CLEC16A: variants seen among roughly 807,000 people sequenced by gnomAD.
The protein encoded by CLEC16A is C-type lectin domain containing 16A.
Under a neutral mutation model 109.5 loss-of-function variants are expected in CLEC16A, and 51 were observed. That is an observed-to-expected ratio of 0.47 (90% CI 0.37 to 0.59). CLEC16A has a LOEUF of 0.59. CLEC16A is among the 20% of genes least tolerant of loss of function. CLEC16A has a pLI of 0.00. For synonymous variants in CLEC16A, 673 were observed against 564.2 expected (o/e 1.19, Z -2.73); for missense variants, 1,339 against 1,394.0 (o/e 0.96, Z 0.63).
intron 22 of CLEC16A, among the ~76,000 whole-genome samples, chr16:11,150,784 C>T (rs1567394605): frequency 6.6e-6 from 1 of 152,150 alleles, no homozygotes; most frequent in Non-Finnish European, 1.5e-5. Context: ...AAGGTATTGG[C>T]AGGGCTGGTT....
At chr16:11,043,079 TACACAC>T (rs34014519) in intron 15 of CLEC16A, among the ~76,000 whole-genome samples, 3 of 150,712 alleles carry the variant, frequency 2.0e-5, no homozygotes, top group Non-Finnish European at 4.4e-5. Flanking sequence ...TGTATATATA[TACACAC>T]ACACACACAC....
At chr16:11,100,571 G>A (rs760813566) in intron 19 of CLEC16A, among the ~76,000 whole-genome samples, 15 of 152,096 alleles carry the variant, frequency 9.9e-5, no homozygotes, top group Non-Finnish European at 1.5e-4. Context: ...GACTCACTTG[G>A]GCATTTCCTG....
At chr16:10,948,941 C>T (rs540135560) in intron 1 of CLEC16A, among the ~76,000 whole-genome samples, 2 of 152,180 alleles carry the variant, frequency 1.3e-5, no homozygotes, top group Non-Finnish European at 2.9e-5. Context: ...TTGAGTATCC[C>T]TGGACCAGCA....
intron 19 of CLEC16A, among the ~76,000 whole-genome samples, chr16:11,112,794 G>A (rs377302967): frequency 4.6e-5 from 7 of 152,216 alleles, no homozygotes; most frequent in South Asian, 4.1e-4. Context: ...ACAAGGTTCC[G>A]CTAGGAGGCA....
intron 19 of CLEC16A, among the ~76,000 whole-genome samples, chr16:11,107,737 G>A (rs1220768386): frequency 2.0e-5 from 3 of 152,246 alleles, no homozygotes; most frequent in Non-Finnish European, 2.9e-5. Context: ...ACTGGAATCA[G>A]CACTGGCTTC....
chr16:11,124,674 GTCTT>G (rs140040705), intron 21 of CLEC16A, among the ~76,000 whole-genome samples: 1 of 152,336 alleles, frequency 6.6e-6, no homozygotes, highest in African/African-American at 2.4e-5. Context: ...TAAAATGACA[GTCTT>G]TCTCAAGATA....
At chr16:10,971,450 T>C (rs16957849) in intron 5 of CLEC16A, 133,801 of 628,106 alleles carry the variant, frequency 0.21, 14,954 homozygotes, top group South Asian at 0.3. Flanking sequence ...TTGCTCATGC[T>C]GCTACATAGA....
chr16:10,953,638 C>G (rs1400069775), intron 1 of CLEC16A, among the ~76,000 whole-genome samples: 1 of 152,064 alleles, frequency 6.6e-6, no homozygotes, highest in Non-Finnish European at 1.5e-5. Flanking sequence ...GGTTTGTGGT[C>G]AGAGTATATA....
chr16:11,103,579 C>G (rs541490734), intron 19 of CLEC16A, among the ~76,000 whole-genome samples: 1 of 152,188 alleles, frequency 6.6e-6, no homozygotes, highest in Non-Finnish European at 1.5e-5. Flanking sequence ...AACTCCGTCT[C>G]AAAAAAATAA....
At chr16:11,027,683 T>C in intron 13 of CLEC16A, 3 of 1,574,612 alleles carry the variant, frequency 1.9e-6, no homozygotes, top group Non-Finnish European at 2.6e-6. Context: ...CTACCAAAAA[T>C]AGAGTGGGCT....
chr16:11,133,777 A>T (rs555974988), intron 22 of CLEC16A, among the ~76,000 whole-genome samples: 1 of 145,136 alleles, frequency 6.9e-6, no homozygotes, highest in African/African-American at 2.6e-5. Context: ...GTAGCTCCCC[A>T]AGGCAAAAAA....
Position 11,182,114 on chromosome 16 carries a change from C to G in CLEC16A, c.*3424C>G, listed in dbSNP as rs200303045. ...ACTCATGCTTCGTGGGTACTGAACA[C>G]GAGGGTGGAAATGAAAACTGGAACT... is the stretch of plus-strand genomic sequence containing the variant. On this transcript the variant is annotated 3_prime_UTR_variant, in exon 24 of 24. Transcript: ENST00000409790. The G allele has an allele frequency of 6.6e-6, 1 of 152,220 alleles. No homozygotes were observed. The highest frequency in any genetic ancestry group is 2.4e-5 in the African/African-American group (1 of 41,420). The allele number at this position is 152,220 out of a possible 1,614,324, so 9.4% of individuals were successfully genotyped here.
At chr16:11,062,787 G>T (rs1202489034) in intron 19 of CLEC16A, among the ~76,000 whole-genome samples, 1 of 151,998 alleles carries the variant, frequency 6.6e-6, no homozygotes, top group Non-Finnish European at 1.5e-5. Flanking sequence ...CTTGAGAAAT[G>T]GCCACAGGAA....
chr16:11,087,585 C>G (rs944529833), intron 19 of CLEC16A, among the ~76,000 whole-genome samples: 1 of 152,180 alleles, frequency 6.6e-6, no homozygotes, highest in African/African-American at 2.4e-5. Flanking sequence ...AAGTAGTATT[C>G]AAGTAAAAGT....
At chr16:11,130,051 C>T (rs2053099670) in intron 22 of CLEC16A, among the ~76,000 whole-genome samples, 2 of 152,270 alleles carry the variant, frequency 1.3e-5, no homozygotes, top group Admixed American at 1.3e-4. Context: ...CGTGAGCCAC[C>T]GCACCCAGCC....
intron 10 of CLEC16A, among the ~76,000 whole-genome samples, chr16:10,985,547 C>CT (rs61260965): frequency 0.14 from 19,637 of 144,532 alleles, 1,277 homozygotes; most frequent in African/African-American, 0.15. Context: ...TCCCTCGGGA[C>CT]TTTTTTTTTT....
intron 10 of CLEC16A, among the ~76,000 whole-genome samples, chr16:10,989,738 T>C (rs2043887293): frequency 6.6e-6 from 1 of 152,182 alleles, no homozygotes; most frequent in South Asian, 2.1e-4. Context: ...CAGGACTCTC[T>C]GCCCAGCCGG....
rs752869056 is a variant in CLEC16A at position 11,178,727 on chromosome 16, G to A, written c.*37G>A. On this transcript the variant is annotated 3_prime_UTR_variant, in exon 24 of 24. Coordinates refer to ENST00000409790, the MANE Select transcript of CLEC16A (RefSeq NM_015226.3). The surrounding 1 kb of genome is among the most constrained non-coding windows in gnomAD (Gnocchi z 6.5). ...GGCCTCCCTTTGTGTGTGTGGCCCC[G>A]CTGGTAGGGACCCCAGTGCCGCTGA... 4.9e-5 allele frequency: 69 copies of A among 1,401,466 alleles called. No homozygotes were observed. The highest frequency in any genetic ancestry group is 2.4e-4 in the Admixed American group (9 of 37,284). 86.8% of individuals were successfully genotyped at this position (1,401,466 alleles called of 1,614,324 possible). A position where few individuals can be genotyped will look rare whatever the true frequency, so the allele number is the denominator to read the frequency against.
At chr16:11,067,112 C>G (rs1334119006) in intron 19 of CLEC16A, among the ~76,000 whole-genome samples, 1 of 149,276 alleles carries the variant, frequency 6.7e-6, no homozygotes, top group African/African-American at 2.5e-5. Context: ...TGTATACACA[C>G]ATACTGTGCT....
Sources: gnomAD v4.1 joint callset for allele counts (sites outside exome capture counted in the v4.1 genomes callset) on GRCh38, gnomAD v4.1.1 for gene constraint, Gnocchi (gnomAD v3.1) non-coding constraint, MANE v1.5 for transcripts, NCBI Gene and HGNC (gene_info 2026-07-23, HGNC 2026-07-21) for gene names.